Variants in PRKG1 observed in about 807,000 individuals in gnomAD.
PRKG1 encodes the protein cGMP-dependent protein kinase 1.
A neutral mutation model predicts 88.1 loss-of-function variants in PRKG1; 35 were observed. The ratio of observed to expected loss-of-function variants is 0.40; its 90% confidence interval spans 0.30 to 0.53. PRKG1 has a LOEUF of 0.53. Among genes scored for constraint, PRKG1 ranks in the 20% least tolerant of loss-of-function variants. The pLI is 0.59. For missense variants in PRKG1, 540 were observed against 839.8 expected, an observed-to-expected ratio of 0.64 and a Z score of 4.41; for synonymous variants, 303 against 292.5, an observed-to-expected ratio of 1.04 and a Z score of -0.37.
At chr10:52,245,641 A>G (rs1224986763) in intron 9 of PRKG1, among the ~76,000 whole-genome samples, 1 of 152,110 alleles carries the variant, frequency 6.6e-6, no homozygotes, top group Non-Finnish European at 1.5e-5. Context: ...TTCCCCAAGA[A>G]TTGATCGATC....
intron 3 of PRKG1, among the ~76,000 whole-genome samples, chr10:51,572,950 AG>A: frequency 6.6e-6 from 1 of 151,998 alleles, no homozygotes; most frequent in South Asian, 2.1e-4. Context: ...TTTGTAACAC[AG>A]CTCTTAAAAC....
chr10:52,215,728 TATA>T (rs1161220914), intron 9 of PRKG1, among the ~76,000 whole-genome samples: 1 of 152,136 alleles, frequency 6.6e-6, no homozygotes, highest in Non-Finnish European at 1.5e-5. Flanking sequence ...TATACATTTT[TATA>T]ATAGTAATGT....
chr10:51,485,827 A>G (rs550200800), intron 3 of PRKG1, among the ~76,000 whole-genome samples: 1 of 152,298 alleles, frequency 6.6e-6, no homozygotes, highest in Admixed American at 6.5e-5. Flanking sequence ...GTCATGTGAC[A>G]TCTTAAATGT....
intron 17 of PRKG1, among the ~76,000 whole-genome samples, chr10:52,293,177 T>G (rs1842298048): frequency 6.7e-6 from 1 of 149,942 alleles, no homozygotes; most frequent in South Asian, 2.1e-4. Context: ...TCAAAGAGAA[T>G]AAAATACCTA....
intron 9 of PRKG1, among the ~76,000 whole-genome samples, chr10:52,178,800 AACTATAGCT>A (rs1284068144): frequency 6.6e-6 from 1 of 152,088 alleles, no homozygotes; most frequent in African/African-American, 2.4e-5. Context: ...TGTCTGATGT[AACTATAGCT>A]ACTCCTGTTG....
chr10:51,110,426 A>G (rs1351163360), intron 1 of PRKG1, among the ~76,000 whole-genome samples: 1 of 152,118 alleles, frequency 6.6e-6, no homozygotes, highest in Non-Finnish European at 1.5e-5. Flanking sequence ...TAGTGAAAGA[A>G]TCCAGAAACA....
chr10:51,798,886 A>G (rs1359591290), intron 3 of PRKG1, among the ~76,000 whole-genome samples: 1 of 152,082 alleles, frequency 6.6e-6, no homozygotes, highest in East Asian at 1.9e-4. Context: ...AATAATATGA[A>G]TGCAGCATTC....
chr10:51,889,210 T>TC (rs1264062661), intron 4 of PRKG1, among the ~76,000 whole-genome samples: 1 of 65,834 alleles, frequency 1.5e-5, no homozygotes, highest in Admixed American at 2.2e-4. Flanking sequence ...CCCTCCCCCC[T>TC]CCCCCCACCC....
intron 2 of PRKG1, among the ~76,000 whole-genome samples, chr10:51,234,283 G>A (rs1016098676): frequency 6.6e-6 from 1 of 152,046 alleles, no homozygotes; most frequent in Admixed American, 6.6e-5. Context: ...TATGGTTGGG[G>A]CCACTCCTCA....
At chr10:51,381,798 A>G (rs1564469946) in intron 2 of PRKG1, among the ~76,000 whole-genome samples, 1 of 152,200 alleles carries the variant, frequency 6.6e-6, no homozygotes, top group Non-Finnish European at 1.5e-5. Flanking sequence ...CCTAAACAAG[A>G]AGGATGCCTA....
At chr10:51,015,699 C>T (rs1843048789) in intron 1 of PRKG1, among the ~76,000 whole-genome samples, 1 of 152,090 alleles carries the variant, frequency 6.6e-6, no homozygotes, top group African/African-American at 2.4e-5. Flanking sequence ...CAAGCCTGGC[C>T]AACATGGTGA....
At chr10:51,659,507 T>C (rs1395385708) in intron 3 of PRKG1, among the ~76,000 whole-genome samples, 1 of 152,068 alleles carries the variant, frequency 6.6e-6, no homozygotes, top group East Asian at 1.9e-4. Flanking sequence ...TCAAGGGTTA[T>C]GATGATGTGA....
intron 3 of PRKG1, among the ~76,000 whole-genome samples, chr10:51,720,387 C>G (rs1216380766): frequency 2.0e-5 from 3 of 152,210 alleles, no homozygotes; most frequent in Non-Finnish European, 4.4e-5. Flanking sequence ...AACATGCTCA[C>G]TATCTTACTA....
At chr10:52,291,961 G>A (rs1249710054) in intron 17 of PRKG1, among the ~76,000 whole-genome samples, 2 of 152,108 alleles carry the variant, frequency 1.3e-5, no homozygotes, top group African/African-American at 4.8e-5. Flanking sequence ...GGTGTGAGAT[G>A]GTATCTCATT....
chr10:51,238,444 G>A (rs971550708), intron 2 of PRKG1, among the ~76,000 whole-genome samples: 27 of 152,086 alleles, frequency 1.8e-4, no homozygotes, highest in African/African-American at 6.3e-4. Flanking sequence ...TTAGCTGGGC[G>A]TGGTGGCGGG....
intron 9 of PRKG1, among the ~76,000 whole-genome samples, chr10:52,166,312 CCAAGGA>C (rs1564498004): frequency 6.6e-6 from 1 of 151,606 alleles, no homozygotes; most frequent in Admixed American, 6.6e-5. Flanking sequence ...ATTTCCAATA[CCAAGGA>C]TCATCTTACA....
intron 2 of PRKG1, among the ~76,000 whole-genome samples, chr10:51,185,245 A>C (rs900779170): frequency 3.9e-5 from 6 of 152,168 alleles, no homozygotes; most frequent in African/African-American, 1.2e-4. Context: ...GTGAGAATTA[A>C]GATAATAAAA....
intron 2 of PRKG1, among the ~76,000 whole-genome samples, chr10:51,371,550 A>G (rs891137279): frequency 1.3e-5 from 2 of 152,156 alleles, no homozygotes; most frequent in African/African-American, 4.8e-5. Context: ...CTGGCACATA[A>G]TAGTTAAAAT....
intron 3 of PRKG1, among the ~76,000 whole-genome samples, chr10:51,743,758 ATATATAT>A (rs1837507525): frequency 1.5e-5 from 2 of 132,756 alleles, no homozygotes; most frequent in Non-Finnish European, 3.1e-5. Context: ...ATATATATAT[ATATATAT>A]TTAGTTGCCT....
Sources: allele counts gnomAD v4.1 joint callset (sites outside exome capture counted in the v4.1 genomes callset), GRCh38; gene constraint gnomAD v4.1.1; transcripts MANE v1.5; gene names NCBI Gene and HGNC (gene_info 2026-07-23, HGNC 2026-07-21).